CATSPERT: variants seen among roughly 807,000 people sequenced by gnomAD.
The protein encoded by CATSPERT is cation channel sperm-associated targeting subunit tau.
At chr2:201,515,760 T>C in the CATSPERT span, among the ~76,000 whole-genome samples, 6 of 152,158 alleles carry the variant, frequency 3.9e-5, no homozygotes. Context: ...CATATCAAAT[T>C]GTAATAACAG....
the CATSPERT span, chr2:201,492,044 G>T: frequency 6.5e-7 from 1 of 1,531,740 alleles, no homozygotes; most frequent in Non-Finnish European, 8.7e-7. Flanking sequence ...TAACTTTTCT[G>T]TTCCTTAATT....
the CATSPERT span, among the ~76,000 whole-genome samples, chr2:201,579,407 A>C: frequency 4.6e-5 from 7 of 151,822 alleles, no homozygotes; most frequent in South Asian, 1.5e-3. Flanking sequence ...TGCCTGGCTA[A>C]TTTTTTGTGG....
chr2:201,502,895 G>GTT, the CATSPERT span, among the ~76,000 whole-genome samples: 202 of 148,984 alleles, frequency 1.4e-3, 2 homozygotes, highest in African/African-American at 3.6e-3. Context: ...GTGATACTGT[G>GTT]TTGTTTTTTT....
the CATSPERT span, among the ~76,000 whole-genome samples, chr2:201,569,954 G>C: frequency 1.3e-5 from 2 of 152,114 alleles, no homozygotes; most frequent in Non-Finnish European, 2.9e-5. Flanking sequence ...AGTCTGAAGT[G>C]GTGGATCACT....
the CATSPERT span, among the ~76,000 whole-genome samples, chr2:201,589,183 A>G: frequency 1.6e-3 from 244 of 152,320 alleles, 1 homozygote; most frequent in African/African-American, 5.4e-3. Flanking sequence ...TTACTGCCCA[A>G]ATAAATTTAT....
At chr2:201,535,485 T>C in the CATSPERT span, 1 of 917,528 alleles carries the variant, frequency 1.1e-6, no homozygotes, top group South Asian at 5.0e-5. Context: ...AAGGAGAACA[T>C]GTTATTTCCT....
the CATSPERT span, among the ~76,000 whole-genome samples, chr2:201,607,595 T>C: frequency 6.6e-6 from 1 of 151,976 alleles, no homozygotes; most frequent in African/African-American, 2.4e-5. Context: ...TGAGCTATGA[T>C]TTTGCCACAG....
the CATSPERT span, chr2:201,550,646 T>C: frequency 6.6e-6 from 1 of 152,226 alleles, no homozygotes; most frequent in Non-Finnish European, 1.5e-5. Flanking sequence ...CTAATCTCTA[T>C]ACAATGATTA....
At chr2:201,487,920 A>C in the CATSPERT span, 1 of 1,547,516 alleles carries the variant, frequency 6.5e-7, no homozygotes, top group Non-Finnish European at 8.7e-7. Flanking sequence ...ATAAAATAAA[A>C]GATCCAATTG....
the CATSPERT span, chr2:201,571,938 T>TA: frequency 6.2e-7 from 1 of 1,611,996 alleles, no homozygotes; most frequent in East Asian, 2.2e-5. Flanking sequence ...TTAAAACACT[T>TA]ACGTCACGGG....
At chr2:201,544,821 C>CA in the CATSPERT span, among the ~76,000 whole-genome samples, 710 of 92,542 alleles carry the variant, frequency 7.7e-3, 17 homozygotes, top group Non-Finnish European at 0.01. Context: ...CCTGTCTCTA[C>CA]AAAAAAAAAA....
chr2:201,617,463 T>C, the CATSPERT span, among the ~76,000 whole-genome samples: 4 of 152,228 alleles, frequency 2.6e-5, no homozygotes, highest in East Asian at 1.9e-4. Context: ...GGGGAAAGGA[T>C]TCTCTATTTA....
At chr2:201,595,191 CT>C in the CATSPERT span, among the ~76,000 whole-genome samples, 85,122 of 111,560 alleles carry the variant, frequency 0.76, 32,271 homozygotes, top group East Asian at 0.9. Context: ...AGTTTTCCTT[CT>C]TTTTTTTTTT....
chr2:201,516,660 GAGAGCCCT>G, the CATSPERT span, among the ~76,000 whole-genome samples: 1 of 152,190 alleles, frequency 6.6e-6, no homozygotes, highest in Non-Finnish European at 1.5e-5. Context: ...TGAATTGGCA[GAGAGCCCT>G]ATGCATAAGA....
chr2:201,545,411 T>C, the CATSPERT span: 1 of 593,788 alleles, frequency 1.7e-6, no homozygotes, highest in Non-Finnish European at 2.8e-6. Context: ...ATGCCAAAAC[T>C]ATAGTGAAAT....
chr2:201,555,566 C>T, the CATSPERT span: 72,751 of 151,946 alleles, frequency 0.48, 17,849 homozygotes, highest in East Asian at 0.75. Flanking sequence ...ATAGCACTAA[C>T]ATTTATAGCC....
At chr2:201,506,205 T>G in the CATSPERT span, among the ~76,000 whole-genome samples, 7 of 152,276 alleles carry the variant, frequency 4.6e-5, no homozygotes, top group East Asian at 1.4e-3. Flanking sequence ...AGGCGGAGGT[T>G]GCAGTGAGCC....
the CATSPERT span, among the ~76,000 whole-genome samples, chr2:201,512,729 G>A: frequency 4.6e-5 from 7 of 152,272 alleles, no homozygotes; most frequent in African/African-American, 1.7e-4. Flanking sequence ...TATGAATAAG[G>A]CTGCTATGAA....
chr2:201,511,873 A>ACC, the CATSPERT span: 1 of 139,102 alleles, frequency 7.2e-6, no homozygotes, highest in Non-Finnish European at 1.5e-5. Context: ...AAAAAAAAAA[A>ACC]CTCTTCTTTT....
Sources: gnomAD v4.1 joint callset for allele counts (sites outside exome capture counted in the v4.1 genomes callset) on GRCh38, gnomAD v4.1.1 for gene constraint, MANE v1.5 for transcripts, NCBI Gene and HGNC (gene_info 2026-07-23, HGNC 2026-07-21) for gene names.